TMEM132D: variants seen among roughly 807,000 people sequenced by gnomAD.
TMEM132D encodes the protein mature OL transmembrane protein.
In TMEM132D, 21 loss-of-function variants were observed where a neutral mutation model predicts 62.3. The ratio of observed to expected loss-of-function variants is 0.34; its 90% CI spans 0.24 to 0.49. TMEM132D has a LOEUF of 0.49. TMEM132D is among the 20% of genes least tolerant of loss of function. The pLI is 0.99. For missense variants in TMEM132D, 1,346 were observed against 1,402.8 expected, an observed-to-expected ratio of 0.96 and a Z score of 0.65; for synonymous variants, 621 against 575.6, an observed-to-expected ratio of 1.08 and a Z score of -1.13.
At chr12:129,117,639 T>A (rs1875935489) in intron 5 of TMEM132D, among the ~76,000 whole-genome samples, 2 of 152,264 alleles carry the variant, frequency 1.3e-5, no homozygotes, top group Middle Eastern at 3.4e-3. Flanking sequence ...CTTTTAGACA[T>A]CGTATGACCC....
chr12:129,337,799 G>A lies in TMEM132D; in HGVS notation c.1134C>T (p.Tyr378=), dbSNP rs1310973853. 3.1e-6 allele frequency: 5 copies of A among 1,611,122 alleles called. No individual in the cohort carries two copies. The highest frequency in any genetic ancestry group is 1.7e-4 in the Middle Eastern group (1 of 6,050). The change falls in exon 4 of 9, where the codon TAC becomes TAT. Residue 378 remains tyrosine, a synonymous_variant. Transcript: ENST00000422113. ...CCTCCACATCGATCTGCATGACCTC[G>A]TAGGAGGCGCCATCCGCACTGGAGA... ...GSENSADGAS[Y]EVMQIDVEVE... is the part of the protein sequence containing the mutation.
intron 5 of TMEM132D, among the ~76,000 whole-genome samples, chr12:129,185,797 A>G (rs561298138): frequency 8.0e-6 from 1 of 124,426 alleles, no homozygotes; most frequent in Non-Finnish European, 1.8e-5. Flanking sequence ...CTATCTATCT[A>G]TCTATCTATC....
chr12:129,490,947 C>T (rs1405576350), intron 3 of TMEM132D, among the ~76,000 whole-genome samples: 6 of 152,094 alleles, frequency 3.9e-5, no homozygotes, highest in African/African-American at 1.4e-4. Flanking sequence ...TGATCCGGCA[C>T]GTTGCTCTGT....
intron 3 of TMEM132D, among the ~76,000 whole-genome samples, chr12:129,382,592 G>A (rs529087101): frequency 6.6e-6 from 1 of 152,270 alleles, no homozygotes; most frequent in African/African-American, 2.4e-5. Context: ...AGAAAATATT[G>A]ATTCAAGTGA....
chr12:129,289,719 T>C (rs1190846955), intron 4 of TMEM132D, among the ~76,000 whole-genome samples: 1 of 152,134 alleles, frequency 6.6e-6, no homozygotes, highest in African/African-American at 2.4e-5. Flanking sequence ...TAGTGCTGAT[T>C]AAATATGACA....
chr12:129,185,842 G>C (rs948452909), intron 5 of TMEM132D, among the ~76,000 whole-genome samples: 1 of 149,318 alleles, frequency 6.7e-6, no homozygotes, highest in Non-Finnish European at 1.5e-5. Context: ...CCTTACTAGT[G>C]AGGTTAAGCC....
intron 5 of TMEM132D, among the ~76,000 whole-genome samples, chr12:129,123,200 C>G (rs1318180930): frequency 6.6e-6 from 1 of 152,104 alleles, no homozygotes; most frequent in Admixed American, 6.5e-5. Flanking sequence ...CATGACTGTT[C>G]AAAGCCAATT....
At chr12:129,420,306 G>GGTTTTTTTTT (rs1457529737) in intron 3 of TMEM132D, among the ~76,000 whole-genome samples, 2 of 112,312 alleles carry the variant, frequency 1.8e-5, no homozygotes, top group East Asian at 3.6e-4. Context: ...CACGTTCTCT[G>GGTTTTTTTTT]TTTTTTTTTT....
intron 2 of TMEM132D, among the ~76,000 whole-genome samples, chr12:129,585,089 C>T (rs1877986702): frequency 6.6e-6 from 1 of 152,156 alleles, no homozygotes; most frequent in Non-Finnish European, 1.5e-5. Flanking sequence ...TAAAACAGTG[C>T]TGACATATAA....
intron 2 of TMEM132D, among the ~76,000 whole-genome samples, chr12:129,538,322 A>G (rs897318587): frequency 6.6e-6 from 1 of 152,234 alleles, no homozygotes; most frequent in Non-Finnish European, 1.5e-5. Flanking sequence ...AAATAGGATC[A>G]TGCCGAGGGC....
chr12:129,641,672 C>A (rs1294834885), intron 2 of TMEM132D, among the ~76,000 whole-genome samples: 1 of 152,178 alleles, frequency 6.6e-6, no homozygotes, highest in Non-Finnish European at 1.5e-5. Context: ...AGTGCATCTG[C>A]TCTGCCAGGG....
intron 1 of TMEM132D, among the ~76,000 whole-genome samples, chr12:129,807,869 C>A (rs1386526416): frequency 6.6e-6 from 1 of 152,162 alleles, no homozygotes; most frequent in Admixed American, 6.5e-5. Context: ...TCTGAGATGG[C>A]GCCCTGGCTT....
intron 3 of TMEM132D, among the ~76,000 whole-genome samples, chr12:129,474,376 T>G (rs886982348): frequency 6.6e-6 from 1 of 152,214 alleles, no homozygotes; most frequent in South Asian, 2.1e-4. Flanking sequence ...ATTAACTGGG[T>G]GAAGTCATTG....
At chr12:129,142,415 C>A (rs971706072) in intron 5 of TMEM132D, among the ~76,000 whole-genome samples, 1 of 152,096 alleles carries the variant, frequency 6.6e-6, no homozygotes, top group African/African-American at 2.4e-5. Context: ...TTATATGCAC[C>A]CTTGTCATCT....
At chr12:129,234,764 G>A (rs1879733904) in intron 4 of TMEM132D, among the ~76,000 whole-genome samples, 1 of 152,146 alleles carries the variant, frequency 6.6e-6, no homozygotes, top group East Asian at 1.9e-4. Context: ...AGAAATATAA[G>A]TACTATTATT....
intron 2 of TMEM132D, among the ~76,000 whole-genome samples, chr12:129,625,490 A>G (rs2137162884): frequency 6.6e-6 from 1 of 152,280 alleles, no homozygotes; most frequent in Admixed American, 6.5e-5. Context: ...AAACCTCCTG[A>G]AGCCCAGAAT....
chr12:129,081,701 G>A (rs138300534), intron 7 of TMEM132D, 58 bp downstream of exon 7: 2 of 1,525,332 alleles, frequency 1.3e-6, no homozygotes, highest in East Asian at 4.5e-5. Context: ...CCTCTAGGTA[G>A]AGCAGAGGTG....
intron 1 of TMEM132D, among the ~76,000 whole-genome samples, chr12:129,868,324 G>T (rs547105341): frequency 1.4e-3 from 207 of 152,286 alleles, no homozygotes; most frequent in Non-Finnish European, 2.2e-3. Flanking sequence ...TGTCCAAAAA[G>T]CCAATAACTA....
chr12:129,343,836 C>T (rs1869596028), intron 3 of TMEM132D, among the ~76,000 whole-genome samples: 1 of 151,594 alleles, frequency 6.6e-6, no homozygotes, highest in East Asian at 1.9e-4. Flanking sequence ...GAGGCTGAGG[C>T]AGGAGAATTG....
Sources: gnomAD v4.1 joint callset for allele counts (sites outside exome capture counted in the v4.1 genomes callset) on GRCh38, gnomAD v4.1.1 for gene constraint, MANE v1.5 for transcripts, NCBI Gene and HGNC (gene_info 2026-07-23, HGNC 2026-07-21) for gene names.